The following CFAP44 variants were observed in gnomAD, a reference collection of about 807,000 sequenced individuals.
CFAP44 encodes cilia- and flagella-associated protein 44.
CFAP44 carries 134 observed loss-of-function variants against 216.2 expected under a neutral mutation model. The ratio of observed to expected loss-of-function variants is 0.62; its 90% CI spans 0.54 to 0.72. The LOEUF (loss-of-function observed/expected upper bound fraction) is 0.72, where lower values mean the gene tolerates loss of function less well. CFAP44 is among the 30% of genes least tolerant of loss of function. The pLI, the probability that CFAP44 is intolerant of heterozygous loss-of-function variation, is 0.00. For synonymous variants in CFAP44, 700 were observed against 727.6 expected (o/e 0.96, Z 0.61); for missense variants, 2,035 against 2,182.1 (o/e 0.93, Z 1.34).
Position 113,373,512 on chromosome 3 carries a change from A to G in CFAP44, c.2343T>C (p.Pro781=). 1 of 1,605,222 alleles carries G rather than the reference A, an allele frequency of 6.2e-7. No individual in the cohort carries two copies. Among genetic ancestry groups the G allele is most frequent in the Non-Finnish European group, 8.5e-7 (1 of 1,175,246 alleles). ...CTTTGAAATCACTGCTTTCATCACAAGGGGGGAACTCACAGTGATATAGAA... is the reference window on the plus strand; with the variant it reads ...CTTTGAAATCACTGCTTTCATCACAGGGGGGGAACTCACAGTGATATAGAA... ...SGFLYHCEFP[P]CDESSDFKEQ... The change falls in exon 18 of 35, where the codon CCT becomes CCC. Residue 781 remains proline (P), a synonymous_variant. Coordinates refer to ENST00000393845, the MANE Select transcript of CFAP44 (RefSeq NM_001164496.2).
At chr3:113,428,151 G>A (rs1243327813) in intron 2 of CFAP44, among the ~76,000 whole-genome samples, 2 of 152,172 alleles carry the variant, frequency 1.3e-5, no homozygotes, top group South Asian at 2.1e-4. Flanking sequence ...TCCCCAAGAG[G>A]GGGCCCTGGA....
intron 32 of CFAP44, among the ~76,000 whole-genome samples, chr3:113,303,340 G>A (rs927163376): frequency 6.6e-6 from 1 of 152,092 alleles, no homozygotes; most frequent in Admixed American, 6.5e-5. Context: ...TCCATCAATA[G>A]GAGGCTAAAT....
chr3:113,302,078 C>T (rs1949940787), intron 32 of CFAP44, among the ~76,000 whole-genome samples: 1 of 152,154 alleles, frequency 6.6e-6, no homozygotes, highest in Non-Finnish European at 1.5e-5. Context: ...CCAAGTTTAT[C>T]CATGTTGTTG....
chr3:113,301,555 T>C (rs939550994), intron 32 of CFAP44, among the ~76,000 whole-genome samples: 5 of 152,198 alleles, frequency 3.3e-5, no homozygotes, highest in Non-Finnish European at 7.3e-5. Context: ...CCATACATCT[T>C]ATACTATATA....
intron 17 of CFAP44, among the ~76,000 whole-genome samples, chr3:113,378,038 T>C (rs1002890957): frequency 1.3e-5 from 2 of 152,172 alleles, no homozygotes; most frequent in African/African-American, 4.8e-5. Flanking sequence ...AGTTTTCTGT[T>C]TGTGTTTTGT....
At chr3:113,394,431 T>G (rs1247717993) in intron 15 of CFAP44, among the ~76,000 whole-genome samples, 1 of 152,210 alleles carries the variant, frequency 6.6e-6, no homozygotes, top group Non-Finnish European at 1.5e-5. Flanking sequence ...CATTCATGCT[T>G]TCTCACAGAG....
At chr3:113,401,971 A>T (rs934199006) in intron 9 of CFAP44, among the ~76,000 whole-genome samples, 1 of 152,206 alleles carries the variant, frequency 6.6e-6, no homozygotes, top group Admixed American at 6.5e-5. Context: ...AAGATTAGTG[A>T]GAAAGTACAG....
In CFAP44 at chr3:113,433,265, C is replaced by T. The variant is rs547415638; in HGVS notation, c.100+300G>A. Among the ~76,000 whole-genome samples, 67 of 151,538 alleles carry T rather than the reference C, an allele frequency of 4.4e-4. 1 individual carries two copies. The South Asian group carries it at 0.013, about 30-fold the overall frequency. On this transcript the variant is annotated intron_variant, in intron 2 of 34. Transcript: ENST00000393845. ...CCAATATGATGAAACCCCATCTCTA[C>T]TAAAAATACAAAAATTGGCTGGGTG... is the stretch of plus-strand genomic sequence containing the variant.
intron 6 of CFAP44, among the ~76,000 whole-genome samples, chr3:113,415,348 C>A (rs887537137): frequency 6.6e-6 from 1 of 150,996 alleles, no homozygotes; most frequent in African/African-American, 2.4e-5. Flanking sequence ...GAGGGTTTTT[C>A]TGTCTCTATC....
intron 15 of CFAP44, among the ~76,000 whole-genome samples, chr3:113,386,011 C>T (rs1054689044): frequency 6.6e-6 from 1 of 152,068 alleles, no homozygotes; most frequent in Non-Finnish European, 1.5e-5. Flanking sequence ...CTGAAATCTG[C>T]TATCATTGTA....
chr3:113,362,415 G>A (rs1274864046), intron 21 of CFAP44, among the ~76,000 whole-genome samples: 1 of 152,006 alleles, frequency 6.6e-6, no homozygotes, highest in Non-Finnish European at 1.5e-5. Context: ...GGGGAGGAAG[G>A]GGCCACCACC....
chr3:113,357,900 G>A (rs372788857), intron 22 of CFAP44, among the ~76,000 whole-genome samples: 4 of 152,232 alleles, frequency 2.6e-5, no homozygotes, highest in East Asian at 3.9e-4. Flanking sequence ...AATGTTCATA[G>A]TAGCATTATT....
rs748244843 is a variant in CFAP44, at chr3:113,379,477, C to T, written c.2127G>A (p.Lys709=). The change falls in exon 17 of 35, where the codon AAG becomes AAA. Residue 709 remains lysine (K), a synonymous_variant. Transcript: ENST00000393845. ...CATCTTCTCCCATCTCTGCTGCTAG[C>T]TTGTTCCTCCTTTCTTCCCTTATTT... ...KEKIREERRN[K]LAAEMGEDGE... is the part of the protein sequence containing the mutation. 6.2e-7 allele frequency: 1 copy of T among 1,609,272 alleles called. No individual in the cohort carries two copies. The highest frequency in any genetic ancestry group is 8.5e-7 in the Non-Finnish European group (1 of 1,175,754).
At chr3:113,409,998 G>A (rs968053269) in intron 6 of CFAP44, among the ~76,000 whole-genome samples, 2 of 152,038 alleles carry the variant, frequency 1.3e-5, no homozygotes, top group African/African-American at 4.8e-5. Context: ...TTGCCCACCC[G>A]TTTCCTGTCC....
At chr3:113,377,678 G>C (rs1264781832) in intron 17 of CFAP44, among the ~76,000 whole-genome samples, 1 of 152,068 alleles carries the variant, frequency 6.6e-6, no homozygotes, top group Non-Finnish European at 1.5e-5. Flanking sequence ...TTTTGAGACA[G>C]AGTCTTGCTC....
At chr3:113,369,266 T>A (rs889631887) in intron 18 of CFAP44, among the ~76,000 whole-genome samples, 5 of 152,138 alleles carry the variant, frequency 3.3e-5, no homozygotes, top group African/African-American at 1.2e-4. Context: ...CCATCTCAAA[T>A]CAACAGAATA....
chr3:113,314,645 C>T (rs183159466), intron 28 of CFAP44, among the ~76,000 whole-genome samples: 16 of 152,146 alleles, frequency 1.1e-4, no homozygotes, highest in Admixed American at 7.9e-4. Flanking sequence ...CTCCTCTCTT[C>T]GAGTGTTTAA....
At position 113,435,360 on chromosome 3, in the gene CFAP44, AAGG is replaced by A. The variant is rs574269634; in HGVS notation, c.-5-1694_-5-1692del. Reference sequence around the variant, plus strand: ...CCTCTTTTCTTCACATGGTGACAGCAAGGAGAAGTGCAGAGCGAAGGGGAAGAA... The same window carrying A: ...CCTCTTTTCTTCACATGGTGACAGCAAGAAGTGCAGAGCGAAGGGGAAGAA... On this transcript the variant is annotated intron_variant, in intron 1 of 34. Coordinates refer to ENST00000393845, the MANE Select transcript of CFAP44 (RefSeq NM_001164496.2). 3.4e-3 allele frequency among the ~76,000 whole-genome samples: 517 copies of A among 152,280 alleles called. 10 individuals are homozygous for A. Among genetic ancestry groups the A allele is most frequent in the Non-Finnish European group, 3.7e-4 (25 of 68,026 alleles).
chr3:113,377,428 C>T (rs115184231), intron 17 of CFAP44, among the ~76,000 whole-genome samples: 16 of 152,212 alleles, frequency 1.1e-4, no homozygotes, highest in African/African-American at 3.4e-4. Context: ...TTGCTTGAGT[C>T]CAGATTCTAG....
Sources: allele counts gnomAD v4.1 joint callset (sites outside exome capture counted in the v4.1 genomes callset), GRCh38; gene constraint gnomAD v4.1.1; transcripts MANE v1.5; gene names NCBI Gene and HGNC (gene_info 2026-07-23, HGNC 2026-07-21).